Variants in FAM171A1 observed in about 807,000 individuals in gnomAD.
The protein encoded by FAM171A1 is family with sequence similarity 171 member A1.
Under a neutral mutation model 74.9 loss-of-function variants are expected in FAM171A1, and 23 were observed. The ratio of observed to expected loss-of-function variants is 0.31; its 90% CI spans 0.22 to 0.44. FAM171A1 has a LOEUF of 0.44. FAM171A1 is among the 20% of genes least tolerant of loss of function. FAM171A1 has a pLI of 1.00. For missense variants in FAM171A1, 1,162 were observed against 1,159.2 expected (o/e 1.00, Z -0.03); for synonymous variants, 527 against 505.7 (o/e 1.04, Z -0.57).
chr10:15,338,890 G>A (rs576781405), intron 1 of FAM171A1, among the ~76,000 whole-genome samples: 5 of 152,106 alleles, frequency 3.3e-5, no homozygotes, highest in African/African-American at 7.2e-5. Flanking sequence ...ACAGGCATGC[G>A]CCACCACGCC....
intron 1 of FAM171A1, among the ~76,000 whole-genome samples, chr10:15,284,730 A>G (rs920792100): frequency 3.3e-5 from 5 of 152,088 alleles, no homozygotes; most frequent in Non-Finnish European, 7.4e-5. Context: ...TACTCTTTCA[A>G]TGGTGTTTGG....
chr10:15,265,448 A>G (rs1246599400), intron 3 of FAM171A1, among the ~76,000 whole-genome samples: 1 of 151,866 alleles, frequency 6.6e-6, no homozygotes, highest in Admixed American at 6.6e-5. Flanking sequence ...CTCCATCTCT[A>G]CAAAAAATAC....
chr10:15,216,660 C>T (rs2131705486), intron 6 of FAM171A1, among the ~76,000 whole-genome samples: 1 of 152,104 alleles, frequency 6.6e-6, no homozygotes, highest in Non-Finnish European at 1.5e-5. Flanking sequence ...TCTTGAACTC[C>T]TGAGTTCGAG....
intron 1 of FAM171A1, among the ~76,000 whole-genome samples, chr10:15,353,637 A>C (rs556380320): frequency 6.6e-6 from 1 of 152,304 alleles, no homozygotes; most frequent in Non-Finnish European, 1.5e-5. Flanking sequence ...TACACCACTA[A>C]TTCTGTCTCC....
At chr10:15,270,292 T>C (rs1056840085) in intron 3 of FAM171A1, among the ~76,000 whole-genome samples, 1 of 152,072 alleles carries the variant, frequency 6.6e-6, no homozygotes, top group Non-Finnish European at 1.5e-5. Flanking sequence ...AGCACAGCAG[T>C]CTGAGATTGA....
chr10:15,229,523 C>T (rs1318445661), intron 5 of FAM171A1, among the ~76,000 whole-genome samples: 2 of 130,998 alleles, frequency 1.5e-5, no homozygotes, highest in African/African-American at 2.9e-5. Context: ...CCATTGTCAC[C>T]CCCCTCACCA....
At chr10:15,239,636 A>C (rs577840030) in intron 5 of FAM171A1, among the ~76,000 whole-genome samples, 1 of 152,306 alleles carries the variant, frequency 6.6e-6, no homozygotes, top group Admixed American at 6.5e-5. Context: ...CCTCACATAC[A>C]TCTTGACACC....
At chr10:15,317,209 G>C (rs1835432827) in intron 1 of FAM171A1, among the ~76,000 whole-genome samples, 1 of 152,094 alleles carries the variant, frequency 6.6e-6, no homozygotes. Context: ...ACTGAGGAAA[G>C]GCAAGGCCAG....
At chr10:15,276,001 C>T (rs901794777) in intron 2 of FAM171A1, 54 bp from the exon 3 acceptor site, 39 of 1,323,120 alleles carry the variant, frequency 2.9e-5, no homozygotes, top group Non-Finnish European at 3.7e-5. Flanking sequence ...ATTTAAGTGC[C>T]TACTCTAATT....
intron 1 of FAM171A1, among the ~76,000 whole-genome samples, chr10:15,340,091 G>A (rs1835748708): frequency 6.6e-6 from 1 of 152,094 alleles, no homozygotes; most frequent in Admixed American, 6.5e-5. Flanking sequence ...GGGTAGGCGG[G>A]GGCACAGCCA....
intron 5 of FAM171A1, among the ~76,000 whole-genome samples, chr10:15,246,435 T>A (rs1032403584): frequency 6.6e-6 from 1 of 152,276 alleles, no homozygotes; most frequent in East Asian, 1.9e-4. Flanking sequence ...GAATTAGATA[T>A]CTTTGAAAAT....
At chr10:15,359,902 A>T (rs1224346109) in intron 1 of FAM171A1, among the ~76,000 whole-genome samples, 1 of 152,168 alleles carries the variant, frequency 6.6e-6, no homozygotes, top group Non-Finnish European at 1.5e-5. Context: ...AAGGAACTGA[A>T]TTCCAAAAAG....
At chr10:15,256,479 G>A (rs1834582029) in intron 3 of FAM171A1, among the ~76,000 whole-genome samples, 1 of 152,096 alleles carries the variant, frequency 6.6e-6, no homozygotes, top group African/African-American at 2.4e-5. Flanking sequence ...TGAAATCCAG[G>A]CCCAGGTTTA....
intron 1 of FAM171A1, among the ~76,000 whole-genome samples, chr10:15,294,675 G>C (rs559961739): frequency 6.6e-6 from 1 of 152,282 alleles, no homozygotes; most frequent in South Asian, 2.1e-4. Context: ...TTTCAGTCCA[G>C]CATTATCTTT....
intron 5 of FAM171A1, among the ~76,000 whole-genome samples, chr10:15,240,124 C>T (rs780053283): frequency 1.1e-4 from 16 of 152,136 alleles, no homozygotes; most frequent in Non-Finnish European, 2.4e-4. Context: ...TTTGGGAGGC[C>T]GAGGCAGAGG....
intron 1 of FAM171A1, among the ~76,000 whole-genome samples, chr10:15,328,884 T>C (rs1219571495): frequency 6.6e-6 from 1 of 152,094 alleles, no homozygotes; most frequent in Non-Finnish European, 1.5e-5. Flanking sequence ...AAACCTCGGG[T>C]CCCTCATTGG....
chr10:15,291,544 G>C (rs1564634502), intron 1 of FAM171A1, among the ~76,000 whole-genome samples: 1 of 152,286 alleles, frequency 6.6e-6, no homozygotes, highest in South Asian at 2.1e-4. Context: ...CTCCGAATCT[G>C]AGTCAAGAAA....
chr10:15,345,301 G>C (rs1835805748), intron 1 of FAM171A1, among the ~76,000 whole-genome samples: 1 of 152,192 alleles, frequency 6.6e-6, no homozygotes, highest in Non-Finnish European at 1.5e-5. Flanking sequence ...TGCAATCTGG[G>C]GCGGGAAGTG....
chr10:15,359,245 TCA>T (rs1259942848), intron 1 of FAM171A1, among the ~76,000 whole-genome samples: 1 of 152,170 alleles, frequency 6.6e-6, no homozygotes, highest in Non-Finnish European at 1.5e-5. Context: ...ATTTAATAAA[TCA>T]CAGTTATCTA....
Sources: gnomAD v4.1 joint callset for allele counts (sites outside exome capture counted in the v4.1 genomes callset) on GRCh38, gnomAD v4.1.1 for gene constraint, MANE v1.5 for transcripts, NCBI Gene and HGNC (gene_info 2026-07-23, HGNC 2026-07-21) for gene names.